DAB1: variants seen among roughly 807,000 people sequenced by gnomAD.
The protein encoded by DAB1 is DAB adaptor protein 1.
DAB1 carries 15 observed loss-of-function variants against 64.6 expected under a neutral mutation model. That is an observed-to-expected ratio of 0.23 (90% CI 0.16 to 0.36). DAB1 has a LOEUF of 0.36. Among genes scored for constraint, DAB1 ranks in the 10% least tolerant of loss-of-function variants. The pLI is 1.00. For missense variants in DAB1, 596 were observed against 706.7 expected, an observed-to-expected ratio of 0.84 and a Z score of 1.78; for synonymous variants, 235 against 251.9, an observed-to-expected ratio of 0.93 and a Z score of 0.64.
chr1:57,238,216 T>G (rs1416175166), intron 2 of DAB1, among the ~76,000 whole-genome samples: 1 of 152,206 alleles, frequency 6.6e-6, no homozygotes, highest in African/African-American at 2.4e-5. Context: ...GAGAATTCTG[T>G]GCCCTGCCTG....
intron 5 of DAB1, among the ~76,000 whole-genome samples, chr1:57,896,178 C>G (rs942856639): frequency 5.3e-5 from 8 of 152,118 alleles, no homozygotes; most frequent in Non-Finnish European, 1.2e-4. Flanking sequence ...GTCACACAAC[C>G]CTTCCGGGTC....
chr1:57,115,015 C>T (rs1330845862), intron 4 of DAB1, among the ~76,000 whole-genome samples: 1 of 152,026 alleles, frequency 6.6e-6, no homozygotes, highest in Non-Finnish European at 1.5e-5. Flanking sequence ...GTAAAGTGTG[C>T]AGTGCATGGC....
chr1:58,276,802 C>G (rs533258578), intron 4 of DAB1, among the ~76,000 whole-genome samples: 1 of 152,116 alleles, frequency 6.6e-6, no homozygotes, highest in African/African-American at 2.4e-5. Flanking sequence ...TTTCATTTCA[C>G]TGATTATGCA....
intron 1 of DAB1, among the ~76,000 whole-genome samples, chr1:57,419,293 C>T (rs1041124561): frequency 1.3e-5 from 2 of 152,158 alleles, no homozygotes; most frequent in African/African-American, 2.4e-5. Flanking sequence ...TGTAAAGTTA[C>T]GTATCTCTGC....
At chr1:57,326,477 A>C (rs1209475395) in intron 1 of DAB1, among the ~76,000 whole-genome samples, 1 of 152,210 alleles carries the variant, frequency 6.6e-6, no homozygotes. Flanking sequence ...AGGATTTCTC[A>C]GAGCCTTTAA....
In DAB1 at chr1:58,068,149, T is replaced by C. The variant is rs75595495; in HGVS notation, n.387+82362A>G. Among the ~76,000 whole-genome samples the C allele has an allele frequency of 5.8e-3, 881 of 152,288 alleles. 9 individuals carry two copies. Among genetic ancestry groups the C allele is most frequent in the African/African-American group, 0.02 (842 of 41,560 alleles). On this transcript the variant is annotated intron_variant and non_coding_transcript_variant, in intron 5 of 20. Coordinates refer to the DAB1 transcript ENST00000485760. Reference sequence around the variant, plus strand: ...CTCACATTGGGTCCGTGAAGAGCACTAGTGCAGATGAGATGCCAGACAAAA... The same window carrying C: ...CTCACATTGGGTCCGTGAAGAGCACCAGTGCAGATGAGATGCCAGACAAAA...
chr1:57,026,726 T>C (rs1036252657), intron 9 of DAB1, among the ~76,000 whole-genome samples: 3 of 152,130 alleles, frequency 2.0e-5, no homozygotes, highest in East Asian at 1.9e-4. Flanking sequence ...ACCCAGTGTA[T>C]ACACCATTAA....
intron 2 of DAB1, among the ~76,000 whole-genome samples, chr1:57,241,341 T>G (rs1169704733): frequency 6.6e-6 from 1 of 152,206 alleles, no homozygotes; most frequent in Non-Finnish European, 1.5e-5. Context: ...TATGCTGGTA[T>G]GACCTTTTTC....
chr1:57,930,225 T>G (rs1319752836), intron 5 of DAB1, among the ~76,000 whole-genome samples: 2 of 152,246 alleles, frequency 1.3e-5, no homozygotes, highest in Non-Finnish European at 2.9e-5. Flanking sequence ...CTGGGCTTTC[T>G]ATTCTGTTCC....
chr1:57,070,320 T>A (rs1651329131), intron 7 of DAB1, among the ~76,000 whole-genome samples: 1 of 152,240 alleles, frequency 6.6e-6, no homozygotes, highest in Non-Finnish European at 1.5e-5. Flanking sequence ...GGCTTCTTTT[T>A]CACCTTGGGA....
intron 7 of DAB1, among the ~76,000 whole-genome samples, chr1:57,477,722 T>C (rs1416625506): frequency 1.3e-5 from 2 of 152,134 alleles, no homozygotes; most frequent in Non-Finnish European, 2.9e-5. Context: ...TTTTAAGGGT[T>C]GGGGCGATCA....
At position 57,705,824 on chromosome 1, in the gene DAB1, C is replaced by T. The variant is rs900980930; in HGVS notation, n.552-56159G>A. ...ATCCCATTTACAATAATGTTTAACA[C>T]ATAGTACTTAATACGTATCTTTGGA... On this transcript the variant is annotated intron_variant and non_coding_transcript_variant, in intron 6 of 20. Coordinates refer to the DAB1 transcript ENST00000485760. Among the ~76,000 whole-genome samples, 20 of 151,260 alleles carry T rather than the reference C, an allele frequency of 1.3e-4. 2 individuals carry two copies. The highest frequency in any genetic ancestry group is 4.8e-4 in the African/African-American group (20 of 41,294).
chr1:58,415,478 T>C (rs999996808), intron 3 of DAB1: 2 of 244,058 alleles, frequency 8.2e-6, no homozygotes, highest in Non-Finnish European at 1.3e-5. Flanking sequence ...TGGGGATACA[T>C]GCATATCCTA....
chr1:57,227,519 T>TTTTGTGTGTGTG (rs3222527), intron 2 of DAB1, among the ~76,000 whole-genome samples: 7 of 135,726 alleles, frequency 5.2e-5, no homozygotes, highest in African/African-American at 1.9e-4. Context: ...TTTTTTTCTT[T>TTTTGTGTGTGTG]TGTGTGTGTG....
intron 4 of DAB1, among the ~76,000 whole-genome samples, chr1:58,215,883 C>A (rs969844077): frequency 6.6e-6 from 1 of 152,102 alleles, no homozygotes; most frequent in African/African-American, 2.4e-5. Context: ...CTTGAGAATG[C>A]AGTTTTAGAA....
intron 5 of DAB1, among the ~76,000 whole-genome samples, chr1:57,952,731 C>T (rs1005770897): frequency 6.6e-6 from 1 of 152,128 alleles, no homozygotes; most frequent in African/African-American, 2.4e-5. Flanking sequence ...GCCAAGAAGA[C>T]ACATTCCTCT....
At chr1:58,234,525 A>G (rs551637824) in intron 4 of DAB1, among the ~76,000 whole-genome samples, 5 of 152,214 alleles carry the variant, frequency 3.3e-5, no homozygotes, top group Admixed American at 1.3e-4. Context: ...TGGACAAGGC[A>G]GGGGGCTGGC....
intron 3 of DAB1, among the ~76,000 whole-genome samples, chr1:58,400,088 A>G (rs1213264935): frequency 6.6e-6 from 1 of 152,026 alleles, no homozygotes; most frequent in African/African-American, 2.4e-5. Context: ...CCAGCCCTTT[A>G]AAAGGCTAAA....
chr1:57,522,532 TCA>T (rs1644540534), intron 7 of DAB1, among the ~76,000 whole-genome samples: 1 of 152,168 alleles, frequency 6.6e-6, no homozygotes, highest in South Asian at 2.1e-4. Context: ...TTTAATGGAC[TCA>T]CAGTTCCACA....
Sources: gnomAD v4.1 joint callset for allele counts (sites outside exome capture counted in the v4.1 genomes callset) on GRCh38, gnomAD v4.1.1 for gene constraint, MANE v1.5 for transcripts, NCBI Gene and HGNC (gene_info 2026-07-23, HGNC 2026-07-21) for gene names.